The following HPSE2 variants were observed in gnomAD, a reference collection of about 807,000 sequenced individuals.
HPSE2 encodes the protein heparanase 2 (inactive), also known as inactive heparanase-2.
HPSE2 carries 38 observed loss-of-function variants against 60.5 expected under a neutral mutation model. That is an observed-to-expected ratio of 0.63 (90% CI 0.48 to 0.82). The LOEUF (loss-of-function observed/expected upper bound fraction) is 0.82. Among genes scored for constraint, HPSE2 ranks in the 40% least tolerant of loss-of-function variants. HPSE2 has a pLI of 0.00. For synonymous variants in HPSE2, 295 were observed against 293.2 expected, an observed-to-expected ratio of 1.01 and a Z score of -0.06; for missense variants, 713 against 740.4, an observed-to-expected ratio of 0.96 and a Z score of 0.43.
chr10:99,211,028 C>G (rs926558201), intron 2 of HPSE2, among the ~76,000 whole-genome samples: 2 of 151,854 alleles, frequency 1.3e-5, no homozygotes, highest in African/African-American at 2.4e-5. Flanking sequence ...AAGATTCAAC[C>G]AAAAAACTGT....
At chr10:98,904,617 T>C (rs767834539) in intron 3 of HPSE2, among the ~76,000 whole-genome samples, 8 of 152,194 alleles carry the variant, frequency 5.3e-5, no homozygotes, top group Non-Finnish European at 1.2e-4. Flanking sequence ...AGCATCTACA[T>C]ACATAGGGAT....
the HPSE2 span, among the ~76,000 whole-genome samples, chr10:99,292,647 A>G: frequency 6.6e-6 from 1 of 152,216 alleles, no homozygotes; most frequent in Non-Finnish European, 1.5e-5. Flanking sequence ...AAATAAATGG[A>G]TATGTTAATT....
rs1944417775 is a variant in HPSE2 at position 98,568,814 on chromosome 10, T to TAAGGA, written c.1320+46085_1320+46089dup. Among the ~76,000 whole-genome samples, 5 of 152,186 alleles carry TAAGGA rather than the reference T, an allele frequency of 3.3e-5. No homozygotes were observed. In the South Asian group the frequency reaches 1.0e-3, roughly 32 times the overall value. On this transcript the variant is annotated intron_variant, in intron 9 of 11. Coordinates refer to ENST00000370552, the MANE Select transcript of HPSE2 (RefSeq NM_021828.5). Reference sequence around the variant, plus strand: ...GAGTCACTCAAGGTTTCCACCCAGCTAAGGAAGACAGAGAATTCCTAATTC... The same window carrying TAAGGA: ...GAGTCACTCAAGGTTTCCACCCAGCTAAGGAAAGGAAGACAGAGAATTCCTAATTC...
intron 3 of HPSE2, among the ~76,000 whole-genome samples, chr10:98,803,505 G>A (rs1337933671): frequency 3.3e-5 from 5 of 151,954 alleles, no homozygotes; most frequent in Non-Finnish European, 7.4e-5. Flanking sequence ...TGTATAAGGT[G>A]TAAGGAAGGG....
At chr10:98,887,529 C>A (rs1328156252) in intron 3 of HPSE2, among the ~76,000 whole-genome samples, 1 of 151,962 alleles carries the variant, frequency 6.6e-6, no homozygotes, top group South Asian at 2.1e-4. Flanking sequence ...AGCCATAGGG[C>A]CAGAAAAGAC....
intron 3 of HPSE2, among the ~76,000 whole-genome samples, chr10:98,770,752 A>G: frequency 6.6e-6 from 1 of 152,058 alleles, no homozygotes; most frequent in East Asian, 1.9e-4. Context: ...ATCTAATCGT[A>G]TCTTAGTGTC....
At chr10:99,136,659 A>C (rs953141234) in intron 3 of HPSE2, among the ~76,000 whole-genome samples, 4 of 152,190 alleles carry the variant, frequency 2.6e-5, no homozygotes, top group Admixed American at 1.3e-4. Context: ...ATCTCAATAG[A>C]TGCAGAAAAG....
chr10:99,307,504 G>A, the HPSE2 span, among the ~76,000 whole-genome samples: 1 of 152,158 alleles, frequency 6.6e-6, no homozygotes, highest in South Asian at 2.1e-4. Context: ...GTGGCGTGCT[G>A]AAGTCCACTC....
At chr10:98,623,680 AT>A (rs1946131020) in intron 7 of HPSE2, among the ~76,000 whole-genome samples, 1 of 152,204 alleles carries the variant, frequency 6.6e-6, no homozygotes, top group South Asian at 2.1e-4. Flanking sequence ...CTTCATCCAC[AT>A]TTAAAGTCAT....
At chr10:98,974,587 T>G (rs953656438) in intron 3 of HPSE2, among the ~76,000 whole-genome samples, 4 of 152,140 alleles carry the variant, frequency 2.6e-5, no homozygotes, top group Admixed American at 6.5e-5. Context: ...TTAATTATCC[T>G]TAAGGTAGGA....
chr10:98,755,257 A>C (rs148560923), intron 3 of HPSE2, among the ~76,000 whole-genome samples: 1 of 152,230 alleles, frequency 6.6e-6, no homozygotes, highest in African/African-American at 2.4e-5. Context: ...TAAACCAACA[A>C]TGATCAGAAA....
At chr10:98,907,634 T>C (rs546367883) in intron 3 of HPSE2, among the ~76,000 whole-genome samples, 6 of 152,174 alleles carry the variant, frequency 3.9e-5, no homozygotes, top group Non-Finnish European at 5.9e-5. Context: ...GGCATGATGG[T>C]ATAGTAGACT....
chr10:99,077,331 G>A (rs1842980202), intron 3 of HPSE2, among the ~76,000 whole-genome samples: 1 of 152,062 alleles, frequency 6.6e-6, no homozygotes. Flanking sequence ...TCTCCATCAG[G>A]AACATTCATA....
chr10:98,951,082 C>G (rs1463419523), intron 3 of HPSE2, among the ~76,000 whole-genome samples: 1 of 152,090 alleles, frequency 6.6e-6, no homozygotes, highest in African/African-American at 2.4e-5. Context: ...ACTAGTTTAA[C>G]TAGACAAGGT....
intron 10 of HPSE2, among the ~76,000 whole-genome samples, chr10:98,486,266 G>A (rs1405532569): frequency 1.3e-5 from 2 of 152,164 alleles, no homozygotes; most frequent in African/African-American, 4.8e-5. Context: ...TCTGACCACA[G>A]AAAAATAATC....
At chr10:98,463,942 C>G (rs1351507517) in intron 11 of HPSE2, among the ~76,000 whole-genome samples, 1 of 151,710 alleles carries the variant, frequency 6.6e-6, no homozygotes, top group Non-Finnish European at 1.5e-5. Flanking sequence ...CATGGTGAAA[C>G]CCTGTCTCTA....
the HPSE2 span, among the ~76,000 whole-genome samples, chr10:99,276,132 T>C: frequency 6.6e-6 from 1 of 152,228 alleles, no homozygotes; most frequent in African/African-American, 2.4e-5. Flanking sequence ...ATAATTATGT[T>C]GAAAAATGAA....
chr10:98,758,146 T>C (rs938568746), intron 3 of HPSE2, among the ~76,000 whole-genome samples: 6 of 152,014 alleles, frequency 3.9e-5, no homozygotes, highest in African/African-American at 1.4e-4. Context: ...ATGCAGAAGA[T>C]TGAAACTGAA....
chr10:98,751,831 A>G (rs1949765209), intron 3 of HPSE2, among the ~76,000 whole-genome samples: 1 of 152,240 alleles, frequency 6.6e-6, no homozygotes, highest in African/African-American at 2.4e-5. Context: ...ATGACATCTT[A>G]AGTATTGAGC....
Sources: allele counts gnomAD v4.1 joint callset (sites outside exome capture counted in the v4.1 genomes callset), GRCh38; gene constraint gnomAD v4.1.1; transcripts MANE v1.5; gene names NCBI Gene and HGNC (gene_info 2026-07-23, HGNC 2026-07-21).